The following TMEM182 variants were observed in gnomAD, a reference collection of about 807,000 sequenced individuals.
The protein encoded by TMEM182 is transmembrane protein 182.
TMEM182 carries 20 observed loss-of-function variants against 26.8 expected under a neutral mutation model. The observed-to-expected ratio is 0.75, with a 90% CI of 0.53 to 1.09. The LOEUF is 1.09. Among genes scored for constraint, TMEM182 ranks in the 50% least tolerant of loss-of-function variants. The probability of loss-of-function intolerance (pLI) is 0.00; values close to 1 mark genes in which losing one functional copy is unlikely to be tolerated. For missense variants in TMEM182, 277 were observed against 275.5 expected, an observed-to-expected ratio of 1.01 and a Z score of -0.04; for synonymous variants, 109 against 102.2, an observed-to-expected ratio of 1.07 and a Z score of -0.40.
upstream of TMEM182, among the ~76,000 whole-genome samples, chr2:102,759,498 T>C (rs149104788): frequency 7.9e-5 from 12 of 152,320 alleles, no homozygotes; most frequent in African/African-American, 2.9e-4. Context: ...CAATATCTGA[T>C]AAAATGCCTG....
intron 1 of TMEM182, among the ~76,000 whole-genome samples, chr2:102,742,344 A>G (rs1427646471): frequency 2.0e-5 from 3 of 152,194 alleles, no homozygotes; most frequent in Non-Finnish European, 4.4e-5. Flanking sequence ...AAAGCAAAGA[A>G]AAGAACATAA....
chr2:102,749,934 G>A (rs1679828537), intron 1 of TMEM182, among the ~76,000 whole-genome samples: 1 of 151,606 alleles, frequency 6.6e-6, no homozygotes, highest in Non-Finnish European at 1.5e-5. Context: ...AAATGTTTCT[G>A]GTGATTACGT....
intron 3 of TMEM182, among the ~76,000 whole-genome samples, chr2:102,843,181 AC>A (rs556345961): frequency 1.7e-4 from 26 of 152,286 alleles, no homozygotes; most frequent in Admixed American, 7.8e-4. Context: ...GTCAGGAGAT[AC>A]CATGACACCT....
At position 102,836,553 on chromosome 2, in the gene TMEM182, T is replaced by C. The variant is rs193036093; in HGVS notation, c.326-6859T>C. Among the ~76,000 whole-genome samples the C allele has an allele frequency of 2.8e-3, 427 of 152,352 alleles. 1 individual carries two copies. Among genetic ancestry groups the C allele is most frequent in the Non-Finnish European group, 5.0e-3 (341 of 68,020 alleles). Reference sequence around the variant, plus strand: ...ATGCTATGAGGTGAGTGCTATGCTTTTGTCTTCCCATTTTCCAGATTAGTA... The same window carrying C: ...ATGCTATGAGGTGAGTGCTATGCTTCTGTCTTCCCATTTTCCAGATTAGTA... On this transcript the variant is annotated intron_variant, in intron 3 of 3. Transcript: ENST00000486293.
chr2:102,739,230 G>C (rs905061616), intron 1 of TMEM182, among the ~76,000 whole-genome samples: 4 of 152,178 alleles, frequency 2.6e-5, no homozygotes, highest in Non-Finnish European at 5.9e-5. Context: ...GAGTGTACCA[G>C]TCACCAGAAT....
intron 3 of TMEM182, among the ~76,000 whole-genome samples, chr2:102,793,997 G>T (rs1308957798): frequency 6.6e-6 from 1 of 152,110 alleles, no homozygotes; most frequent in Non-Finnish European, 1.5e-5. Context: ...TTGAACCCAG[G>T]AGCTTGAGGC....
Position 102,814,805 on chromosome 2 carries a change from A to T in TMEM182, c.527A>T (p.Asp176Val). ...LYVIWVQAVA[D>V]MESYRNMKMK... ...GTCATCTGGGTCCAGGCAGTGGCTG[A>T]CATGGAAAGCTACCGAAACATGAAA... Residue 176 changes from aspartate (D) to valine (V), a missense_variant, in exon 5 of 5, where the codon GAC (aspartate) becomes GTC (valine). Physicochemically the swap from Asp to Val is radical, Grantham distance 152. Transcript: ENST00000412401. The T allele has an allele frequency of 6.2e-7, 1 of 1,613,882 alleles. No homozygotes were observed. Among genetic ancestry groups the T allele is most frequent in the South Asian group, 1.1e-5 (1 of 91,064 alleles).
intron 1 of TMEM182, among the ~76,000 whole-genome samples, chr2:102,752,072 G>A (rs571515692): frequency 2.6e-5 from 4 of 152,256 alleles, no homozygotes; most frequent in South Asian, 2.1e-4. Flanking sequence ...ACAGCCCCAC[G>A]GGGATTAGGG....
At chr2:102,803,695 G>C (rs2104739957) in intron 4 of TMEM182, among the ~76,000 whole-genome samples, 1 of 152,340 alleles carries the variant, frequency 6.6e-6, no homozygotes, top group Non-Finnish European at 1.5e-5. Flanking sequence ...TCCTTTGGCT[G>C]AGGCTGAACA....
intron 3 of TMEM182, among the ~76,000 whole-genome samples, chr2:102,827,536 C>T (rs1480689289): frequency 1.3e-5 from 2 of 152,192 alleles, no homozygotes; most frequent in African/African-American, 4.8e-5. Flanking sequence ...CTTCCTTTTC[C>T]TTTGCTGTCT....
rs1040651842 is a variant in TMEM182, at chr2:102,762,655, G to T, written c.201G>T (p.Glu67Asp). ...GTTGGTTTAATGGGATTGTGGAAGA[G>T]AATGACTCCAATATTTGGAAGTTCT... ...WRCWFNGIVE[E>D]NDSNIWKFWY... Residue 67 changes from glutamate to aspartate, a missense_variant, in exon 2 of 5, where the codon GAG (glutamate) becomes GAT (aspartate). Coordinates refer to ENST00000412401, the MANE Select transcript of TMEM182 (RefSeq NM_144632.5). 6.2e-7 allele frequency: 1 copy of T among 1,613,886 alleles called. No individual in the cohort carries two copies. Among genetic ancestry groups the T allele is most frequent in the South Asian group, 1.1e-5 (1 of 91,062 alleles).
intron 3 of TMEM182, among the ~76,000 whole-genome samples, chr2:102,787,185 A>C (rs116203364): frequency 0.016 from 2,365 of 152,362 alleles, 67 homozygotes; most frequent in African/African-American, 0.054. Context: ...ATGAAGGAGA[A>C]GACGTGCTTT....
At chr2:102,749,773 A>G (rs1679821346) in intron 1 of TMEM182, among the ~76,000 whole-genome samples, 1 of 152,156 alleles carries the variant, frequency 6.6e-6, no homozygotes, top group Non-Finnish European at 1.5e-5. Context: ...TTGTATGACA[A>G]TATAAAGTTT....
At chr2:102,740,468 T>C (rs1679511640) in intron 1 of TMEM182, among the ~76,000 whole-genome samples, 1 of 152,174 alleles carries the variant, frequency 6.6e-6, no homozygotes, top group South Asian at 2.1e-4. Context: ...TCCACCATGA[T>C]TGTAAGTTTC....
intron 3 of TMEM182, among the ~76,000 whole-genome samples, chr2:102,774,193 A>G (rs1435324568): frequency 6.7e-6 from 1 of 149,884 alleles, no homozygotes; most frequent in Non-Finnish European, 1.5e-5. Context: ...AAATATGTCC[A>G]TATGTATCTT....
chr2:102,791,069 G>A (rs1476439329), intron 3 of TMEM182, among the ~76,000 whole-genome samples: 1 of 152,028 alleles, frequency 6.6e-6, no homozygotes, highest in African/African-American at 2.4e-5. Flanking sequence ...CCGAGTAGCT[G>A]GGATTAGAGG....
At position 102,804,364 on chromosome 2, in the gene TMEM182, G is replaced by A. The variant is rs915494360; in HGVS notation, c.469+6364G>A. Reference sequence around the variant, plus strand: ...TCCATTGTATCATTCTTATGCCTTTGCGTCCTCATAGCTTAGCTTGCATAT... The same window carrying A: ...TCCATTGTATCATTCTTATGCCTTTACGTCCTCATAGCTTAGCTTGCATAT... On this transcript the variant is annotated intron_variant, in intron 4 of 4. Coordinates refer to ENST00000412401, the MANE Select transcript of TMEM182 (RefSeq NM_144632.5). Among the ~76,000 whole-genome samples, 100 of 151,668 alleles carry A rather than the reference G, an allele frequency of 6.6e-4. 2 individuals carry two copies. The highest frequency in any genetic ancestry group is 2.0e-4 in the Admixed American group (3 of 15,252).
chr2:102,828,123 T>A (rs1476499049), intron 3 of TMEM182, among the ~76,000 whole-genome samples: 1 of 152,098 alleles, frequency 6.6e-6, no homozygotes, highest in Non-Finnish European at 1.5e-5. Context: ...AAAAAGTGAC[T>A]TGTGGCTTTA....
chr2:102,835,778 A>G (rs1038430511), intron 3 of TMEM182, among the ~76,000 whole-genome samples: 1 of 151,972 alleles, frequency 6.6e-6, no homozygotes, highest in African/African-American at 2.4e-5. Flanking sequence ...TACATGTGCC[A>G]TATTAGTGTG....
Sources: allele counts gnomAD v4.1 joint callset (sites outside exome capture counted in the v4.1 genomes callset), GRCh38; gene constraint gnomAD v4.1.1; transcripts MANE v1.5; gene names NCBI Gene and HGNC (gene_info 2026-07-23, HGNC 2026-07-21).